CDH18: variants seen among roughly 807,000 people sequenced by gnomAD.
CDH18 encodes the protein cadherin-18.
Under a neutral mutation model 67.9 loss-of-function variants are expected in CDH18, and 31 were observed. The observed-to-expected ratio is 0.46, with a 90% CI of 0.34 to 0.62. CDH18 has a LOEUF of 0.62. CDH18 is among the 20% of genes least tolerant of loss of function. CDH18 has a pLI of 0.01. For synonymous variants in CDH18, 362 were observed against 347.2 expected, an observed-to-expected ratio of 1.04 and a Z score of -0.48; for missense variants, 890 against 975.5, an observed-to-expected ratio of 0.91 and a Z score of 1.17.
chr5:20,016,940 T>A (rs1443437925), intron 2 of CDH18, among the ~76,000 whole-genome samples: 3 of 152,194 alleles, frequency 2.0e-5, no homozygotes, highest in Non-Finnish European at 4.4e-5. Flanking sequence ...GTAGTAATAG[T>A]GCCTTTCATT....
intron 2 of CDH18, among the ~76,000 whole-genome samples, chr5:20,066,171 G>C (rs978372530): frequency 3.3e-5 from 5 of 151,878 alleles, no homozygotes; most frequent in African/African-American, 1.2e-4. Flanking sequence ...AATTTTGCTT[G>C]AGCCATGCAT....
At chr5:19,939,958 C>T (rs766310602) in intron 2 of CDH18, among the ~76,000 whole-genome samples, 1 of 151,758 alleles carries the variant, frequency 6.6e-6, no homozygotes, top group Non-Finnish European at 1.5e-5. Context: ...ATGTGACTTA[C>T]TCTAGTTGTA....
At chr5:20,279,699 CAAAAAAAA>C (rs1189257278) in intron 1 of CDH18, among the ~76,000 whole-genome samples, 9 of 13,600 alleles carry the variant, frequency 6.6e-4, no homozygotes, top group Admixed American at 1.3e-3. Flanking sequence ...AGCTCTGTCT[CAAAAAAAA>C]AAAAAAAAAA....
chr5:19,640,518 G>A (rs964641869), intron 5 of CDH18, among the ~76,000 whole-genome samples: 1 of 151,924 alleles, frequency 6.6e-6, no homozygotes, highest in Non-Finnish European at 1.5e-5. Context: ...AAATAGCAAA[G>A]GAATACGGCA....
chr5:20,023,653 C>G (rs1399292879), intron 2 of CDH18, among the ~76,000 whole-genome samples: 1 of 90,858 alleles, frequency 1.1e-5, no homozygotes, highest in Non-Finnish European at 2.3e-5. Flanking sequence ...AGCGAGACTC[C>G]GTCTCAAAAA....
chr5:20,058,978 T>C lies in CDH18; in HGVS notation c.-517-66964A>G, dbSNP rs560961232. 2.6e-5 allele frequency among the ~76,000 whole-genome samples: 4 copies of C among 152,288 alleles called. No individual in the cohort carries two copies. In the East Asian group the frequency reaches 7.7e-4, roughly 29 times the overall value. On this transcript the variant is annotated intron_variant, in intron 2 of 14. Coordinates refer to the CDH18 transcript ENST00000507958. The stretch of plus-strand genomic sequence containing the variant: ...GGTAAGCTATTAATTACTGCCTCAA[T>C]TTCAGAACTTGTTATTGGTCTATTC...
chr5:19,625,008 G>T (rs76263905), intron 5 of CDH18, among the ~76,000 whole-genome samples: 1 of 150,512 alleles, frequency 6.6e-6, no homozygotes, highest in African/African-American at 2.5e-5. Flanking sequence ...TGCTGCCCTT[G>T]TAACGGTGGC....
At chr5:19,524,935 CG>C in intron 9 of CDH18, among the ~76,000 whole-genome samples, 1 of 152,040 alleles carries the variant, frequency 6.6e-6, no homozygotes, top group Non-Finnish European at 1.5e-5. Context: ...TTAGTAGAGA[CG>C]GGGTTTCACC....
intron 10 of CDH18, among the ~76,000 whole-genome samples, chr5:19,508,257 T>A (rs1262062041): frequency 6.6e-6 from 1 of 152,116 alleles, no homozygotes; most frequent in African/African-American, 2.4e-5. Flanking sequence ...GAACTTAACA[T>A]GTTTATGGTT....
intron 2 of CDH18, among the ~76,000 whole-genome samples, chr5:20,152,331 T>C (rs1751191473): frequency 1.3e-5 from 2 of 149,630 alleles, no homozygotes; most frequent in Admixed American, 6.7e-5. Flanking sequence ...AACAGATACA[T>C]TTCTTTAAGA....
intron 8 of CDH18, among the ~76,000 whole-genome samples, chr5:19,568,256 G>A (rs189027066): frequency 1.6e-3 from 239 of 152,096 alleles, no homozygotes; most frequent in African/African-American, 5.2e-3. Context: ...CCCCAAATTC[G>A]TATAGTAAAC....
intron 2 of CDH18, among the ~76,000 whole-genome samples, chr5:20,166,936 A>T (rs1473164934): frequency 6.6e-6 from 1 of 152,208 alleles, no homozygotes; most frequent in Non-Finnish European, 1.5e-5. Flanking sequence ...AACGCTTCTT[A>T]ATCTAAAAAG....
chr5:19,777,639 G>A (rs16888220), intron 3 of CDH18, among the ~76,000 whole-genome samples: 5,204 of 152,194 alleles, frequency 0.034, 231 homozygotes, highest in African/African-American at 0.11. Context: ...TGAAAGTTCC[G>A]TTCATCCTTG....
At chr5:19,838,368 T>C (rs1281425960) in intron 3 of CDH18, among the ~76,000 whole-genome samples, 1 of 152,144 alleles carries the variant, frequency 6.6e-6, no homozygotes, top group Non-Finnish European at 1.5e-5. Context: ...GAGCAATATG[T>C]GAAAATAGCA....
intron 1 of CDH18, among the ~76,000 whole-genome samples, chr5:20,524,835 C>T (rs1447502831): frequency 6.6e-6 from 1 of 152,108 alleles, no homozygotes; most frequent in East Asian, 1.9e-4. Context: ...TATACAGCTC[C>T]TTGTTAACTC....
chr5:20,414,523 C>G (rs1026169507), intron 1 of CDH18, among the ~76,000 whole-genome samples: 1 of 152,200 alleles, frequency 6.6e-6, no homozygotes, highest in Non-Finnish European at 1.5e-5. Flanking sequence ...CACTCTCTCA[C>G]TCTTTGGGTG....
chr5:20,295,885 T>C (rs1205816656), intron 1 of CDH18, among the ~76,000 whole-genome samples: 1 of 147,602 alleles, frequency 6.8e-6, no homozygotes, highest in Non-Finnish European at 1.5e-5. Context: ...TTTTTTTTTT[T>C]TTTGAGACGG....
At chr5:20,237,689 T>G (rs1742583235) in intron 2 of CDH18, among the ~76,000 whole-genome samples, 1 of 152,078 alleles carries the variant, frequency 6.6e-6, no homozygotes, top group South Asian at 2.1e-4. Context: ...GAGCAAAACC[T>G]TGCTCCTGTG....
At chr5:19,804,435 T>C (rs777851644) in intron 3 of CDH18, among the ~76,000 whole-genome samples, 3 of 152,178 alleles carry the variant, frequency 2.0e-5, no homozygotes, top group African/African-American at 4.8e-5. Flanking sequence ...GACTGAACTA[T>C]ATAGCCTGTA....
Sources: allele counts gnomAD v4.1 joint callset (sites outside exome capture counted in the v4.1 genomes callset), GRCh38; gene constraint gnomAD v4.1.1; transcripts MANE v1.5; gene names NCBI Gene and HGNC (gene_info 2026-07-23, HGNC 2026-07-21).